The following SAMMSON variants were observed in gnomAD, a reference collection of about 807,000 sequenced individuals.
SAMMSON encodes long intergenic non-protein coding RNA 1212.
chr3:70,249,353 A>AG (rs1024068136), intron 5 of SAMMSON, among the ~76,000 whole-genome samples: 9 of 152,084 alleles, frequency 5.9e-5, no homozygotes, highest in African/African-American at 1.4e-4. Flanking sequence ...TCAGTGTCTA[A>AG]GGGGGGGATC....
intron 3 of SAMMSON, among the ~76,000 whole-genome samples, chr3:70,016,958 G>A (rs1381854405): frequency 1.3e-5 from 2 of 152,034 alleles, no homozygotes; most frequent in African/African-American, 4.8e-5. Context: ...ATCTGTTTTG[G>A]TACCAGTACC....
At chr3:70,187,279 G>T (rs958099760) in intron 4 of SAMMSON, among the ~76,000 whole-genome samples, 2 of 152,184 alleles carry the variant, frequency 1.3e-5, no homozygotes, top group East Asian at 3.9e-4. Context: ...ATGGAGAAGG[G>T]TCTCCCACGT....
intron 4 of SAMMSON, among the ~76,000 whole-genome samples, chr3:70,136,615 C>T (rs948326213): frequency 6.6e-6 from 1 of 152,170 alleles, no homozygotes; most frequent in Non-Finnish European, 1.5e-5. Context: ...TTACTTTTTG[C>T]TTCAGACCTT....
chr3:70,246,214 AT>A (rs1443968680), intron 4 of SAMMSON, among the ~76,000 whole-genome samples: 1 of 151,968 alleles, frequency 6.6e-6, no homozygotes, highest in South Asian at 2.1e-4. Context: ...ACCATTTTTA[AT>A]TTTTGATATT....
intron 6 of SAMMSON, among the ~76,000 whole-genome samples, chr3:70,279,085 C>T (rs771903186): frequency 1.3e-5 from 2 of 149,710 alleles, no homozygotes; most frequent in Non-Finnish European, 3.0e-5. Context: ...TTGCCCAAGC[C>T]TGACTTCCAA....
chr3:70,089,797 A>G (rs961640643), intron 4 of SAMMSON, among the ~76,000 whole-genome samples: 1 of 152,088 alleles, frequency 6.6e-6, no homozygotes, highest in African/African-American at 2.4e-5. Context: ...TAAAAAAAGT[A>G]TTTGTCCAGG....
chr3:70,175,390 TG>T (rs1701002122), intron 4 of SAMMSON, among the ~76,000 whole-genome samples: 2 of 152,070 alleles, frequency 1.3e-5, no homozygotes, highest in Non-Finnish European at 2.9e-5. Flanking sequence ...TTCCACTGAC[TG>T]GTTTATTCTC....
intron 3 of SAMMSON, among the ~76,000 whole-genome samples, chr3:70,057,657 A>AGTGTGTGTGTGTGTGT (rs35757148): frequency 1.3e-5 from 2 of 148,980 alleles, no homozygotes; most frequent in African/African-American, 4.9e-5. Flanking sequence ...TATATGGATG[A>AGTGTGTGTGTGTGTGT]GTGTGTGTGT....
intron 7 of SAMMSON, among the ~76,000 whole-genome samples, chr3:70,340,942 G>C (rs371389140): frequency 1.8e-4 from 28 of 152,248 alleles, no homozygotes; most frequent in Middle Eastern, 3.4e-3. Context: ...GATCTTGAAT[G>C]AGTTAATAAG....
chr3:70,258,175 A>G (rs1423042476), intron 6 of SAMMSON, among the ~76,000 whole-genome samples: 1 of 152,182 alleles, frequency 6.6e-6, no homozygotes, highest in East Asian at 1.9e-4. Flanking sequence ...GGCAAAAACT[A>G]TCATGTTCTA....
intron 6 of SAMMSON, among the ~76,000 whole-genome samples, chr3:70,285,918 T>A (rs1702157504): frequency 6.6e-6 from 1 of 151,512 alleles, no homozygotes; most frequent in African/African-American, 2.4e-5. Flanking sequence ...TGTTTTTTTC[T>A]TGTAAATTTG....
intron 4 of SAMMSON, among the ~76,000 whole-genome samples, chr3:70,077,381 G>A (rs972295399): frequency 2.0e-5 from 3 of 152,034 alleles, no homozygotes; most frequent in Admixed American, 6.6e-5. Context: ...ATTTTAGATT[G>A]CATACATATG....
At chr3:70,342,776 T>C (rs907937923) in intron 7 of SAMMSON, among the ~76,000 whole-genome samples, 2 of 152,220 alleles carry the variant, frequency 1.3e-5, no homozygotes, top group Non-Finnish European at 2.9e-5. Context: ...GCATTTCCAA[T>C]GTAAATGTGA....
intron 1 of SAMMSON, among the ~76,000 whole-genome samples, chr3:70,005,726 A>C (rs748706002): frequency 1.3e-5 from 2 of 151,634 alleles, no homozygotes; most frequent in African/African-American, 2.4e-5. Context: ...ACTATTCACC[A>C]CTCTCCCTTA....
At chr3:70,201,893 C>T (rs1291481250) in intron 4 of SAMMSON, among the ~76,000 whole-genome samples, 1 of 152,186 alleles carries the variant, frequency 6.6e-6, no homozygotes, top group African/African-American at 2.4e-5. Context: ...GTAACTGGAA[C>T]CTGCAAGATG....
intron 4 of SAMMSON, among the ~76,000 whole-genome samples, chr3:70,237,059 C>T (rs1701617091): frequency 8.6e-6 from 1 of 116,854 alleles, no homozygotes; most frequent in Non-Finnish European, 1.8e-5. Flanking sequence ...TGCTCTTTGA[C>T]AAATTTATTT....
At chr3:70,246,143 C>T (rs183155187) in intron 4 of SAMMSON, among the ~76,000 whole-genome samples, 8 of 151,882 alleles carry the variant, frequency 5.3e-5, no homozygotes, top group Admixed American at 2.6e-4. Context: ...TGGGATGAAC[C>T]GTAGCAACTA....
chr3:70,068,609 C>T (rs1368229709), intron 3 of SAMMSON: 1 of 152,098 alleles, frequency 6.6e-6, no homozygotes, highest in Non-Finnish European at 1.5e-5. Context: ...GACTTTCTAA[C>T]AACCCACACA....
intron 4 of SAMMSON, among the ~76,000 whole-genome samples, chr3:70,134,500 T>A (rs1173160724): frequency 2.0e-5 from 3 of 152,024 alleles, no homozygotes. Context: ...ATAAAATATT[T>A]CCCAATGGAT....
Sources: allele counts gnomAD v4.1 joint callset (sites outside exome capture counted in the v4.1 genomes callset), GRCh38; gene constraint gnomAD v4.1.1; transcripts MANE v1.5; gene names NCBI Gene and HGNC (gene_info 2026-07-23, HGNC 2026-07-21).